Variants in PCDHGB2 observed in about 807,000 individuals in gnomAD.
PCDHGB2 encodes protocadherin gamma-B2.
PCDHGB2 carries 55 observed loss-of-function variants against 59.3 expected under a neutral mutation model. The observed-to-expected ratio is 0.93, with a 90% confidence interval of 0.75 to 1.16. PCDHGB2 has a LOEUF of 1.16. Ranked by LOEUF, PCDHGB2 falls within the 50% of genes most tolerant of loss-of-function variation. The probability of loss-of-function intolerance (pLI) is 0.00; values close to 1 mark genes in which losing one functional copy is unlikely to be tolerated. For missense variants in PCDHGB2, 1,228 were observed against 1,198.5 expected, an observed-to-expected ratio of 1.02 and a Z score of -0.36; for synonymous variants, 516 against 512.0, an observed-to-expected ratio of 1.01 and a Z score of -0.11.
chr5:141,434,480 C>T (rs777049751), intron 1 of PCDHGB2, among the ~76,000 whole-genome samples: 6 of 152,194 alleles, frequency 3.9e-5, no homozygotes, highest in Non-Finnish European at 5.9e-5. Context: ...GGGCAAGGAA[C>T]ACCTGGCCCG....
At chr5:141,442,737 G>A (rs1376026431) in intron 1 of PCDHGB2, among the ~76,000 whole-genome samples, 1 of 152,152 alleles carries the variant, frequency 6.6e-6, no homozygotes, top group Non-Finnish European at 1.5e-5. Flanking sequence ...CTGTAGGTAA[G>A]GAGCATGTTT....
chr5:141,388,936 C>A, intron 1 of PCDHGB2: 4 of 1,613,926 alleles, frequency 2.5e-6, no homozygotes, highest in Non-Finnish European at 3.4e-6. Context: ...CAGTCTCTAC[C>A]CAACCTAATT....
In PCDHGB2 at chr5:141,486,184, A is replaced by G. The variant is rs2099625756; in HGVS notation, c.2422-8623A>G. 8 of 1,614,014 alleles carry G rather than the reference A, an allele frequency of 5.0e-6. No homozygotes were observed. Among genetic ancestry groups the G allele is most frequent in the Non-Finnish European group, 6.8e-6 (8 of 1,180,026 alleles). On this transcript the variant is annotated intron_variant, in intron 1 of 3. Transcript: ENST00000522605. This position sits in a 1 kb window ranked among gnomAD's most constrained non-coding sequence, Gnocchi z 5.0. ...CCATGGAGCAACATTGCAGCCTTCG[A>G]GTGGATCTGCTGGACGTAAATGACA...
intron 1 of PCDHGB2, chr5:141,364,629 CACT>C: frequency 6.2e-7 from 1 of 1,614,142 alleles, no homozygotes; most frequent in Non-Finnish European, 8.5e-7. Context: ...GCTCAGAGCC[CACT>C]GTGTGTGGTG....
At chr5:141,414,704 C>A (rs778708386) in intron 1 of PCDHGB2, 8 of 1,614,036 alleles carry the variant, frequency 5.0e-6, no homozygotes, top group Non-Finnish European at 5.9e-6. Flanking sequence ...TCATACATAT[C>A]CATCAACTCA....
intron 1 of PCDHGB2, chr5:141,421,202 C>G (rs1345590720): frequency 6.6e-7 from 1 of 1,519,226 alleles, no homozygotes; most frequent in Non-Finnish European, 8.8e-7. Flanking sequence ...CTCGAGAAAC[C>G]GCGGAATATC....
intron 1 of PCDHGB2, chr5:141,375,888 C>T (rs1049224011): frequency 6.2e-7 from 1 of 1,613,700 alleles, no homozygotes; most frequent in Non-Finnish European, 8.5e-7. Flanking sequence ...GGCCAGAACG[C>T]CTGGCTGTCC....
intron 1 of PCDHGB2, chr5:141,385,331 C>T (rs1235160402): frequency 6.3e-7 from 1 of 1,585,046 alleles, no homozygotes; most frequent in African/African-American, 1.4e-5. Flanking sequence ...CAGGTGAGCC[C>T]AGCCCTTCCT....
intron 1 of PCDHGB2, chr5:141,410,094 C>G: frequency 6.2e-7 from 1 of 1,612,646 alleles, no homozygotes; most frequent in Non-Finnish European, 8.5e-7. Context: ...ACGGCTCGAG[C>G]CTTAGGCGAC....
chr5:141,449,067 T>A lies in PCDHGB2; in HGVS notation c.2422-45740T>A, dbSNP rs547833131. On this transcript the variant is annotated intron_variant, in intron 1 of 3. Transcript: ENST00000522605. ...AGTCTCATAAATGAGCGCTATTGAA[T>A]AGCCCTGTACCTACATCAGTTTTTA... Among the ~76,000 whole-genome samples the A allele has an allele frequency of 3.3e-5, 5 of 152,342 alleles. No homozygotes were observed. In the East Asian group the frequency reaches 9.6e-4, roughly 29 times the overall value.
intron 1 of PCDHGB2, chr5:141,441,470 C>G (rs1170727138): frequency 5.9e-6 from 1 of 168,868 alleles, no homozygotes; most frequent in East Asian, 1.9e-4. Context: ...ATTGGCGATG[C>G]CAACGACAAT....
At chr5:141,379,717 G>A (rs1775773176) in intron 1 of PCDHGB2, 1 of 152,104 alleles carries the variant, frequency 6.6e-6, no homozygotes, top group Non-Finnish European at 1.5e-5. Context: ...GGCAGTCATG[G>A]AATTTGCTAA....
At position 141,486,027 on chromosome 5, in the gene PCDHGB2, C is replaced by A. The variant is rs2099623152; in HGVS notation, c.2422-8780C>A. 2 of 1,614,048 alleles carry A rather than the reference C, an allele frequency of 1.2e-6. No individual in the cohort carries two copies. Among genetic ancestry groups the A allele is most frequent in the African/African-American group, 2.7e-5 (2 of 74,912 alleles). On this transcript the variant is annotated intron_variant, in intron 1 of 3. Coordinates refer to ENST00000522605, the MANE Select transcript of PCDHGB2 (RefSeq NM_018923.3). The surrounding 1 kb of genome is among the most constrained non-coding windows in gnomAD (Gnocchi z 5.0). ...GTCACCTTTTATTTCAGTGGTCATA[C>A]CCCTGATCGTGTAAGAAACCTCTTT...
In PCDHGB2 at chr5:141,431,371, A is replaced by G. The variant is rs2097366432; in HGVS notation, c.2422-63436A>G. The G allele has an allele frequency of 6.2e-7, 1 of 1,613,998 alleles. No individual in the cohort carries two copies. The highest frequency in any genetic ancestry group is 8.5e-7 in the Non-Finnish European group (1 of 1,180,038). ...TGAAACGCGCCCTGGACCGCGAAGA[A>G]AAGGCTGCTCACCACCTGGTCCTTA... On this transcript the variant is annotated intron_variant, in intron 1 of 3. Transcript: ENST00000522605. The surrounding 1 kb of genome is among the most constrained non-coding windows in gnomAD (Gnocchi z 4.8).
At chr5:141,398,036 A>C (rs151208588) in intron 1 of PCDHGB2, 2 of 1,478,020 alleles carry the variant, frequency 1.4e-6, no homozygotes, top group African/African-American at 2.8e-5. Context: ...CTGGAACTAA[A>C]GCCCGTTCGG....
intron 1 of PCDHGB2, among the ~76,000 whole-genome samples, chr5:141,380,346 GTTGT>G (rs1424822944): frequency 2.0e-5 from 3 of 152,066 alleles, no homozygotes; most frequent in Non-Finnish European, 2.9e-5. Context: ...GAACTGTTTT[GTTGT>G]TTGTTTTTTA....
chr5:141,380,878 G>C (rs1776818511), intron 1 of PCDHGB2, among the ~76,000 whole-genome samples: 1 of 152,198 alleles, frequency 6.6e-6, no homozygotes, highest in African/African-American at 2.4e-5. Flanking sequence ...CTCCAAACAT[G>C]AAAGTTTGTT....
chr5:141,507,478 C>T (rs933478897), intron 3 of PCDHGB2, among the ~76,000 whole-genome samples: 5 of 152,158 alleles, frequency 3.3e-5, no homozygotes, highest in African/African-American at 1.2e-4. Flanking sequence ...GGACTGCTGG[C>T]CTCCTGAGGC....
intron 2 of PCDHGB2, among the ~76,000 whole-genome samples, chr5:141,499,686 T>G (rs1400567357): frequency 1.3e-5 from 2 of 149,346 alleles, no homozygotes; most frequent in Non-Finnish European, 3.0e-5. Flanking sequence ...CTTTAACAGA[T>G]GACTTTTTTT....
Sources: allele counts gnomAD v4.1 joint callset (sites outside exome capture counted in the v4.1 genomes callset), GRCh38; gene constraint gnomAD v4.1.1; non-coding constraint Gnocchi (gnomAD v3.1); transcripts MANE v1.5; gene names NCBI Gene and HGNC (gene_info 2026-07-23, HGNC 2026-07-21).